ALPL: variants seen among roughly 807,000 people sequenced by gnomAD.
The protein encoded by ALPL is alkaline phosphatase, tissue-nonspecific isozyme.
Under a neutral mutation model 51.3 loss-of-function variants are expected in ALPL, and 42 were observed. The observed-to-expected ratio is 0.82, with a 90% CI of 0.64 to 1.06. The LOEUF is 1.06. Among genes scored for constraint, ALPL ranks in the 50% least tolerant of loss-of-function variants. ALPL has a pLI of 0.00. For missense variants in ALPL, 589 were observed against 709.4 expected (o/e 0.83, Z 1.93); for synonymous variants, 279 against 296.4 (o/e 0.94, Z 0.60).
intron 1 of ALPL, among the ~76,000 whole-genome samples, chr1:21,513,973 G>T (rs1643742729): frequency 6.6e-6 from 1 of 152,160 alleles, no homozygotes; most frequent in Non-Finnish European, 1.5e-5. Flanking sequence ...CGGTTTCTGG[G>T]CTAGATGCAG....
chr1:21,571,545 G>C (rs920560478), intron 8 of ALPL, among the ~76,000 whole-genome samples: 8 of 152,108 alleles, frequency 5.3e-5, no homozygotes, highest in Non-Finnish European at 1.0e-4. Flanking sequence ...GGTGGCGGGC[G>C]CCTGTAGTCC....
At chr1:21,569,441 A>C (rs553308937) in intron 7 of ALPL, among the ~76,000 whole-genome samples, 2 of 152,300 alleles carry the variant, frequency 1.3e-5, no homozygotes, top group South Asian at 2.1e-4. Context: ...TTTTAGAGTC[A>C]GTTTCACCTT....
At chr1:21,571,533 G>A (rs927212145) in intron 8 of ALPL, among the ~76,000 whole-genome samples, 24 of 152,226 alleles carry the variant, frequency 1.6e-4, no homozygotes, top group African/African-American at 3.6e-4. Flanking sequence ...TTAGCCTGGC[G>A]TGGTGGCGGG....
chr1:21,514,005 C>G (rs1472563), intron 1 of ALPL, among the ~76,000 whole-genome samples: 2 of 152,004 alleles, frequency 1.3e-5, no homozygotes, highest in African/African-American at 4.8e-5. Flanking sequence ...AAGAGGGGCT[C>G]AAATTCCACT....
chr1:21,522,369 C>G (rs1318379821), intron 1 of ALPL, among the ~76,000 whole-genome samples: 1 of 152,194 alleles, frequency 6.6e-6, no homozygotes, highest in Non-Finnish European at 1.5e-5. Flanking sequence ...CCACTGCACC[C>G]GGCCAGGTTT....
chr1:21,528,025 T>G (rs1323461463), intron 1 of ALPL, among the ~76,000 whole-genome samples: 5 of 151,482 alleles, frequency 3.3e-5, no homozygotes, highest in Non-Finnish European at 7.4e-5. Context: ...TGTTTTTTTG[T>G]TTTTTTGTTT....
At position 21,554,100 on chromosome 1, in the gene ALPL, G is replaced by C. The variant is rs1034151595; in HGVS notation, c.19G>C (p.Val7Leu). 2.5e-5 allele frequency: 40 copies of C among 1,572,976 alleles called. No individual in the cohort carries two copies. The highest frequency in any genetic ancestry group is 3.4e-5 in the Non-Finnish European group (39 of 1,154,356). ...GTGCACCATGATTTCACCATTCTTA[G>C]TACTGGCCATTGGCACCTGCCTTAC... is the stretch of plus-strand genomic sequence containing the variant. The part of the protein sequence containing the change: MISPFL[V>L]LAIGTCLTNS... The change falls in exon 2 of 12, where the codon GTA (valine) becomes CTA (leucine). Residue 7 changes from valine (V) to leucine (L), a missense_variant. By Grantham distance (32) the Val-to-Leu change is conservative. Transcript: ENST00000374840.
intron 4 of ALPL, 145 bp from the exon 5 acceptor site, chr1:21,562,965 G>C: frequency 9.3e-7 from 1 of 1,076,766 alleles, no homozygotes; most frequent in Non-Finnish European, 1.4e-6. Flanking sequence ...GCTCTGGGGG[G>C]CTTCAGTGGG....
At chr1:21,532,755 C>G (rs1185146020) in intron 1 of ALPL, among the ~76,000 whole-genome samples, 1 of 152,194 alleles carries the variant, frequency 6.6e-6, no homozygotes, top group Non-Finnish European at 1.5e-5. Flanking sequence ...ACTTCCTTCC[C>G]TCCACTTCTG....
Position 21,528,342 on chromosome 1 carries a change from G to GTTTC in ALPL, c.-105+18828_-105+18829insCTTT, listed in dbSNP as rs1558530952. ...TGAGATTACATGCCTGACCTATTCAGTTTTTTTTTTTTTTTTTTTTTTTGA... is the reference window on the plus strand; with the variant it reads ...TGAGATTACATGCCTGACCTATTCAGTTTCTTTTTTTTTTTTTTTTTTTTTTTGA... On this transcript the variant is annotated intron_variant, in intron 1 of 11. Transcript: ENST00000374840. 1.8e-5 allele frequency among the ~76,000 whole-genome samples: 2 copies of GTTTC among 111,942 alleles called. 1 individual carries two copies. The highest frequency in any genetic ancestry group is 3.6e-5 in the Non-Finnish European group (2 of 56,064). The allele number at this position is 111,942 out of a possible 152,430, so 73.4% of individuals were successfully genotyped here.
At position 21,577,713 on chromosome 1, in the gene ALPL, C is replaced by A. The variant is rs1697405; in HGVS notation, c.*65C>A. On this transcript the variant is annotated 3_prime_UTR_variant, in exon 12 of 12. Coordinates refer to ENST00000374840, the MANE Select transcript of ALPL (RefSeq NM_000478.6). ...CCAACTTCCCACACGGCAGCCCCCC[C>A]CTCAAGGGGCAGGGAGGTGGGGGCC... is the stretch of plus-strand genomic sequence containing the variant. 6.6e-3 allele frequency: 10,164 copies of A among 1,546,156 alleles called. 81 individuals carry two copies. The highest frequency in any genetic ancestry group is 0.036 in the African/African-American group (2,654 of 73,378).
chr1:21,552,505 A>G (rs1384274819), intron 1 of ALPL, among the ~76,000 whole-genome samples: 2 of 151,878 alleles, frequency 1.3e-5, no homozygotes, highest in Non-Finnish European at 2.9e-5. Context: ...AAAAAGAAAA[A>G]ATCTTTTTCC....
chr1:21,561,313 C>T, intron 4 of ALPL, 101 bp downstream of exon 4: 12 of 1,022,190 alleles, frequency 1.2e-5, no homozygotes, highest in Non-Finnish European at 1.8e-5. Context: ...CCCCTGAGCC[C>T]CCTCCATGCC....
intron 1 of ALPL, among the ~76,000 whole-genome samples, chr1:21,529,082 A>G (rs1174974920): frequency 6.6e-6 from 1 of 151,386 alleles, no homozygotes; most frequent in Non-Finnish European, 1.5e-5. Context: ...AAAAAAAAAA[A>G]AGAAAATATT....
intron 1 of ALPL, among the ~76,000 whole-genome samples, chr1:21,512,974 C>A (rs376952056): frequency 6.6e-6 from 1 of 152,084 alleles, no homozygotes; most frequent in South Asian, 2.1e-4. Flanking sequence ...GTATTACCAT[C>A]GTTCTTTCTG....
intron 1 of ALPL, among the ~76,000 whole-genome samples, chr1:21,533,807 T>C (rs1371302954): frequency 1.3e-5 from 2 of 151,692 alleles, no homozygotes; most frequent in African/African-American, 2.4e-5. Flanking sequence ...CCTGTAATCC[T>C]GGCTACTCGG....
chr1:21,572,405 C>A (rs190705333), intron 8 of ALPL, among the ~76,000 whole-genome samples: 1 of 152,134 alleles, frequency 6.6e-6, no homozygotes, highest in African/African-American at 2.4e-5. Flanking sequence ...TACATGGTGG[C>A]TGGCTTCCCA....
chr1:21,576,248 ATGGATGATGGATGGATGGATGGG>A (rs1424288828), intron 10 of ALPL, among the ~76,000 whole-genome samples: 21 of 107,578 alleles, frequency 2.0e-4, no homozygotes, highest in African/African-American at 4.0e-4. Flanking sequence ...GGATGGATGG[ATGGATGATGGATGGATGGATGGG>A]TGGATGGATG....
chr1:21,527,982 GTT>G (rs1317873470), intron 1 of ALPL, among the ~76,000 whole-genome samples: 2 of 150,686 alleles, frequency 1.3e-5, no homozygotes, highest in Non-Finnish European at 3.0e-5. Context: ...CCTTTAGGAT[GTT>G]TTCATTGTGT....
Sources: allele counts gnomAD v4.1 joint callset (sites outside exome capture counted in the v4.1 genomes callset), GRCh38; gene constraint gnomAD v4.1.1; transcripts MANE v1.5; gene names NCBI Gene and HGNC (gene_info 2026-07-23, HGNC 2026-07-21).